The following PNLDC1 variants were observed in gnomAD, a reference collection of about 807,000 sequenced individuals.
PNLDC1 encodes the protein PARN like ribonuclease domain containing exonuclease 1, also known as poly(A)-specific ribonuclease PNLDC1.
Under a neutral mutation model 82.0 loss-of-function variants are expected in PNLDC1, and 70 were observed. The ratio of observed to expected loss-of-function variants is 0.85; its 90% CI spans 0.70 to 1.04. PNLDC1 has a LOEUF of 1.04. Ranked by LOEUF, PNLDC1 falls within the 50% of genes least tolerant of loss-of-function variation. PNLDC1 has a pLI of 0.00. For missense variants in PNLDC1, 631 were observed against 661.1 expected (o/e 0.95, Z 0.50); for synonymous variants, 280 against 249.3 (o/e 1.12, Z -1.16).
At chr6:159,816,791 C>G (rs1258517331) in intron 14 of PNLDC1, among the ~76,000 whole-genome samples, 195 bp downstream of exon 14, 1 of 151,988 alleles carries the variant, frequency 6.6e-6, no homozygotes, top group Non-Finnish European at 1.5e-5. Context: ...TGCCACCATG[C>G]CTGGCTGGGA....
chr6:159,802,461 T>G (rs892796277), intron 3 of PNLDC1, among the ~76,000 whole-genome samples: 2 of 151,986 alleles, frequency 1.3e-5, no homozygotes, highest in African/African-American at 4.8e-5. Flanking sequence ...CTCTCTATCC[T>G]GATCCTTTGC....
chr6:159,806,210 C>A, intron 7 of PNLDC1, 127 bp downstream of exon 7: 1 of 720,760 alleles, frequency 1.4e-6, no homozygotes, highest in South Asian at 1.5e-5. Context: ...GAGTCTGATG[C>A]AAGCATTTGT....
At position 159,801,160 on chromosome 6, in the gene PNLDC1, T is replaced by C; in HGVS notation, c.182T>C (p.Val61Ala). ...TGGTATCTAAAGACCCGTCAGAGTG[T>C]TCAGCAATTTACAGTCTGTCAGATT... The part of the protein sequence containing the change: ...SEWYLKTRQS[V>A]QQFTVCQIGL... Residue 61 changes from valine (V) to alanine (A), a missense_variant, in exon 3 of 19, where the codon GTT becomes GCT. Coordinates refer to ENST00000392167, the MANE Select transcript of PNLDC1 (RefSeq NM_001271862.2). The C allele has an allele frequency of 6.2e-7, 1 of 1,614,218 alleles. No homozygotes were observed. Among genetic ancestry groups the C allele is most frequent in the African/African-American group, 1.3e-5 (1 of 75,062 alleles).
At chr6:159,808,849 C>T (rs1471601298) in intron 8 of PNLDC1, 33 bp downstream of exon 8, 2 of 1,609,764 alleles carry the variant, frequency 1.2e-6, no homozygotes, top group African/African-American at 1.3e-5. Flanking sequence ...GCATCAGTGG[C>T]TCCATTGTTT....
At chr6:159,807,271 A>T (rs940827920) in intron 7 of PNLDC1, among the ~76,000 whole-genome samples, 8 of 152,148 alleles carry the variant, frequency 5.3e-5, no homozygotes, top group African/African-American at 1.7e-4. Context: ...TCTCAATGAA[A>T]AGAGCTTGTT....
At chr6:159,816,069 G>C in intron 13 of PNLDC1, 36 bp downstream of exon 13, 1 of 1,437,170 alleles carries the variant, frequency 7.0e-7, no homozygotes, top group African/African-American at 1.8e-5. Context: ...TTGCACAGTC[G>C]GCAGAGTGCT....
intron 12 of PNLDC1, among the ~76,000 whole-genome samples, chr6:159,814,896 A>T (rs963449768): frequency 6.6e-6 from 1 of 152,162 alleles, no homozygotes; most frequent in African/African-American, 2.4e-5. Flanking sequence ...GGTCTGTTGA[A>T]CCTTAGCTGC....
chr6:159,804,151 C>CT lies in PNLDC1; in HGVS notation c.372+64dup, dbSNP rs1781363070. The stretch of plus-strand genomic sequence containing the variant: ...TTTGTTTCTGAGATGGAGTCTCGCT[C>CT]TGTTGCCCAGGCTGGAGTGCAGTGG... On this transcript the variant is annotated intron_variant, in intron 5 of 18. Transcript: ENST00000392167. The CT allele has an allele frequency of 3.8e-6, 6 of 1,577,750 alleles. No homozygotes were observed. In the South Asian group the frequency reaches 5.7e-5, roughly 15 times the overall value.
intron 12 of PNLDC1, among the ~76,000 whole-genome samples, chr6:159,814,455 G>A (rs985996984): frequency 5.9e-5 from 9 of 152,116 alleles, no homozygotes; most frequent in South Asian, 2.1e-4. Context: ...GTACCGCTGC[G>A]GTCCAGACCT....
At chr6:159,815,436 CCA>C (rs1781781049) in intron 12 of PNLDC1, among the ~76,000 whole-genome samples, 1 of 152,252 alleles carries the variant, frequency 6.6e-6, no homozygotes, top group African/African-American at 2.4e-5. Context: ...GGCTTCAGCC[CCA>C]CTTCTCAGCT....
chr6:159,812,760 A>C (rs2115048094), intron 11 of PNLDC1, among the ~76,000 whole-genome samples: 1 of 152,280 alleles, frequency 6.6e-6, no homozygotes, highest in South Asian at 2.1e-4. Context: ...AGTGGCTCAC[A>C]CCTGTAATCC....
chr6:159,810,485 C>G (rs920147499), intron 10 of PNLDC1, among the ~76,000 whole-genome samples: 1 of 152,138 alleles, frequency 6.6e-6, no homozygotes, highest in African/African-American at 2.4e-5. Flanking sequence ...TTTCCACTTA[C>G]CCAAAGCATT....
In PNLDC1 at chr6:159,804,729, G is replaced by GA. The variant is rs537308685; in HGVS notation, c.461+93dup. The stretch of plus-strand genomic sequence containing the variant: ...GGCGTGCCGTTTCCAGGAGTGTGGT[G>GA]ACCTCCATCCATGCTTGGCGGGGAT... On this transcript the variant is annotated intron_variant, in intron 6 of 18. Coordinates refer to ENST00000392167, the MANE Select transcript of PNLDC1 (RefSeq NM_001271862.2). The GA allele has an allele frequency of 1.3e-3, 1,204 of 906,898 alleles. 3 individuals carry two copies. The highest frequency in any genetic ancestry group is 2.5e-3 in the Middle Eastern group (11 of 4,450). The allele number at this position is 906,898 out of a possible 1,614,324, so 56.2% of individuals were successfully genotyped here. A position where few individuals can be genotyped will look rare whatever the true frequency, so the allele number is the denominator to read the frequency against.
intron 8 of PNLDC1, 41 bp from the exon 9 acceptor site, chr6:159,808,974 C>T (rs757892455): frequency 1.2e-6 from 2 of 1,605,702 alleles, no homozygotes; most frequent in South Asian, 2.2e-5. Flanking sequence ...GGCCTCATTC[C>T]TAGTAACCCA....
At chr6:159,813,551 A>G (rs1315361463) in intron 11 of PNLDC1, 50 bp from the exon 12 acceptor site, 2 of 1,539,060 alleles carry the variant, frequency 1.3e-6, no homozygotes, top group Non-Finnish European at 1.8e-6. Flanking sequence ...GAAACAGAGA[A>G]TAAACAAAAG....
At chr6:159,820,113 G>A (rs1026551478) in intron 18 of PNLDC1, among the ~76,000 whole-genome samples, 5 of 152,202 alleles carry the variant, frequency 3.3e-5, no homozygotes, top group South Asian at 2.1e-4. Flanking sequence ...GATCAAGTAC[G>A]AATCCAGGGT....
intron 3 of PNLDC1, among the ~76,000 whole-genome samples, chr6:159,802,609 C>A (rs1201878128): frequency 1.3e-5 from 2 of 151,532 alleles, no homozygotes; most frequent in Non-Finnish European, 2.9e-5. Context: ...GGGACAGAGT[C>A]TTGCTCTGTT....
At chr6:159,804,222 T>A in intron 5 of PNLDC1, 134 bp downstream of exon 5, 1 of 1,076,422 alleles carries the variant, frequency 9.3e-7, no homozygotes, top group South Asian at 1.5e-5. Context: ...TGCTTCAGCC[T>A]CCCAAGTAGC....
rs200037212 is a variant in PNLDC1 at position 159,816,608 on chromosome 6, G to A, written c.1114+12G>A. The A allele has an allele frequency of 6.8e-5, 110 of 1,610,720 alleles. No individual in the cohort carries two copies. Among genetic ancestry groups the A allele is most frequent in the Admixed American group, 2.2e-4 (13 of 59,722 alleles). ...CCTCTGTGGGTCAGGTAAGGATTGCGGTTCCTTTAAAAGGAAACTCACTTT... is the reference window on the plus strand; with the variant it reads ...CCTCTGTGGGTCAGGTAAGGATTGCAGTTCCTTTAAAAGGAAACTCACTTT... On this transcript the variant is annotated intron_variant, in intron 14 of 18. Coordinates refer to ENST00000392167, the MANE Select transcript of PNLDC1 (RefSeq NM_001271862.2).
Sources: gnomAD v4.1 joint callset for allele counts (sites outside exome capture counted in the v4.1 genomes callset) on GRCh38, gnomAD v4.1.1 for gene constraint, MANE v1.5 for transcripts, NCBI Gene and HGNC (gene_info 2026-07-23, HGNC 2026-07-21) for gene names.